The following PDE1C variants were observed in gnomAD, a reference collection of about 807,000 sequenced individuals.
PDE1C encodes phosphodiesterase 1C, also known as dual specificity calcium/calmodulin-dependent 3',5'-cyclic nucleotide phosphodiesterase 1C.
Under a neutral mutation model 93.1 loss-of-function variants are expected in PDE1C, and 62 were observed. The ratio of observed to expected loss-of-function variants is 0.67; its 90% CI spans 0.54 to 0.82. The LOEUF is 0.82. Among genes scored for constraint, PDE1C ranks in the 40% least tolerant of loss-of-function variants. The pLI is 0.00. For synonymous variants in PDE1C, 325 were observed against 310.1 expected, an observed-to-expected ratio of 1.05 and a Z score of -0.50; for missense variants, 742 against 884.6, an observed-to-expected ratio of 0.84 and a Z score of 2.04.
chr7:32,298,396 G>C (rs1812763270), intron 1 of PDE1C, among the ~76,000 whole-genome samples: 1 of 152,070 alleles, frequency 6.6e-6, no homozygotes, highest in South Asian at 2.1e-4. Context: ...CGAGCAGTTC[G>C]GGGAGGTGTG....
intron 1 of PDE1C, among the ~76,000 whole-genome samples, chr7:32,427,616 C>T (rs1785561099): frequency 6.6e-6 from 1 of 152,158 alleles, no homozygotes; most frequent in African/African-American, 2.4e-5. Flanking sequence ...ACTGTCTTGC[C>T]ACCTACTGTT....
chr7:31,975,592 T>C (rs1246469294), intron 2 of PDE1C, among the ~76,000 whole-genome samples: 5 of 151,996 alleles, frequency 3.3e-5, no homozygotes, highest in Non-Finnish European at 7.4e-5. Flanking sequence ...TATATATATA[T>C]GAAAAAGAAT....
At chr7:31,690,440 C>T in the PDE1C span, among the ~76,000 whole-genome samples, 1 of 152,162 alleles carries the variant, frequency 6.6e-6, no homozygotes, top group Non-Finnish European at 1.5e-5. Context: ...ACTGTGTGGG[C>T]ACCACAAAGA....
At chr7:32,324,416 C>G (rs1046333791) in intron 1 of PDE1C, among the ~76,000 whole-genome samples, 3 of 152,212 alleles carry the variant, frequency 2.0e-5, no homozygotes, top group African/African-American at 7.2e-5. Context: ...ACCCTAGCAA[C>G]AAGCTTTGTT....
At chr7:32,206,356 A>C (rs1805526130) in intron 2 of PDE1C, among the ~76,000 whole-genome samples, 1 of 152,148 alleles carries the variant, frequency 6.6e-6, no homozygotes, top group Non-Finnish European at 1.5e-5. Flanking sequence ...AGTCAACCAG[A>C]CACGGCCCAT....
chr7:32,266,743 T>A (rs112456816), intron 1 of PDE1C, among the ~76,000 whole-genome samples: 4 of 152,160 alleles, frequency 2.6e-5, no homozygotes, highest in African/African-American at 9.6e-5. Flanking sequence ...AACCAGGAGC[T>A]GGAGCTGGCG....
chr7:31,806,589 G>A lies in PDE1C; in HGVS notation c.1891+2442C>T, dbSNP rs149738919. ...CAGAGATAATGTACAGCTGCAATGT[G>A]TTCATTATGCCAGGATGTAATTTAC... On this transcript the variant is annotated intron_variant, in intron 16 of 17. Transcript: ENST00000396191. Among the ~76,000 whole-genome samples the A allele has an allele frequency of 7.2e-3, 1,096 of 152,032 alleles. 7 individuals carry two copies. The highest frequency in any genetic ancestry group is 0.014 in the Middle Eastern group (4 of 294).
At position 32,387,850 on chromosome 7, in the gene PDE1C, C is replaced by T. The variant is rs375323808; in HGVS notation, c.310+39972G>A. On this transcript the variant is annotated intron_variant, in intron 1 of 1. Coordinates refer to the PDE1C transcript ENST00000672256. ...CTCCAGGACGGGGCGGCTGGCCGGG[C>T]AGGGGGCTGACCCCCCTCCCCCCTC... is the stretch of plus-strand genomic sequence containing the variant. Among the ~76,000 whole-genome samples the T allele has an allele frequency of 9.1e-4, 120 of 132,184 alleles. 2 individuals are homozygous for T. The East Asian group carries it at 0.023, about 26-fold the overall frequency. The allele number at this position is 132,184 out of a possible 152,430, so 86.7% of individuals were successfully genotyped here. A position where few individuals can be genotyped will look rare whatever the true frequency, so the allele number is the denominator to read the frequency against.
chr7:32,066,879 G>C (rs1381848129), intron 1 of PDE1C, among the ~76,000 whole-genome samples: 1 of 152,248 alleles, frequency 6.6e-6, no homozygotes. Context: ...CAAAGAGTAA[G>C]AGGACAGCAT....
chr7:32,149,401 C>T lies in PDE1C; in HGVS notation c.308+20384G>A, dbSNP rs183480693. 8.5e-5 allele frequency among the ~76,000 whole-genome samples: 13 copies of T among 152,332 alleles called. No homozygotes were observed. In the East Asian group the frequency reaches 2.5e-3, roughly 29 times the overall value. On this transcript the variant is annotated intron_variant, in intron 3 of 18. Coordinates refer to the PDE1C transcript ENST00000396193. ...CCAGAACACCTCTGATCTCAGACCA[C>T]ACTGCTCATCTGGGCAATTCCACAA...
chr7:32,147,329 A>AAGG (rs1563353058), intron 3 of PDE1C, among the ~76,000 whole-genome samples: 63 of 144,092 alleles, frequency 4.4e-4, no homozygotes, highest in Admixed American at 3.3e-3. Context: ...AGAAAGAAAG[A>AAGG]AAGACGCTGT....
the PDE1C span, among the ~76,000 whole-genome samples, chr7:31,689,288 C>T: frequency 6.6e-6 from 1 of 152,196 alleles, no homozygotes; most frequent in Non-Finnish European, 1.5e-5. Context: ...TATGAAAACA[C>T]CCCCAAATGT....
At chr7:31,718,979 T>C in the PDE1C span, among the ~76,000 whole-genome samples, 6 of 152,160 alleles carry the variant, frequency 3.9e-5, no homozygotes, top group Admixed American at 3.9e-4. Flanking sequence ...AGCATGGGAC[T>C]GCCAAACTTC....
intron 3 of PDE1C, among the ~76,000 whole-genome samples, chr7:32,100,700 G>A (rs1240650688): frequency 1.3e-5 from 2 of 152,094 alleles, no homozygotes; most frequent in Non-Finnish European, 2.9e-5. Flanking sequence ...AGATGACCAC[G>A]TGTACCTATA....
intron 1 of PDE1C, among the ~76,000 whole-genome samples, chr7:32,066,311 A>G (rs1305560736): frequency 6.6e-6 from 1 of 152,146 alleles, no homozygotes; most frequent in African/African-American, 2.4e-5. Flanking sequence ...CAAAAACAAT[A>G]GTTGTTGCAG....
chr7:31,620,185 A>G, the PDE1C span, among the ~76,000 whole-genome samples: 1 of 152,148 alleles, frequency 6.6e-6, no homozygotes, highest in Non-Finnish European at 1.5e-5. Context: ...GGCAGGGCAC[A>G]GACAAACAAA....
rs180809387 is a variant in PDE1C, at chr7:32,378,818, C to T, written c.310+49004G>A. 2.6e-5 allele frequency among the ~76,000 whole-genome samples: 4 copies of T among 152,328 alleles called. No homozygotes were observed. In the East Asian group the frequency reaches 7.7e-4, roughly 29 times the overall value. On this transcript the variant is annotated intron_variant, in intron 1 of 1. Coordinates refer to the PDE1C transcript ENST00000672256. ...CCCCTTCCCCTTGAAAAACCCCTAA[C>T]CTCTGCACTTTCAGCAAGATTGATT...
chr7:32,093,472 C>G (rs540814796), intron 3 of PDE1C, among the ~76,000 whole-genome samples: 2 of 152,328 alleles, frequency 1.3e-5, no homozygotes, highest in South Asian at 4.1e-4. Context: ...AGGACTCTGG[C>G]CCAGTATCTT....
chr7:32,181,562 C>G lies in PDE1C; in HGVS notation c.137-11606G>C, dbSNP rs201336678. Among the ~76,000 whole-genome samples, 8 of 151,942 alleles carry G rather than the reference C, an allele frequency of 5.3e-5. No homozygotes were observed. The South Asian group carries it at 1.5e-3, about 28-fold the overall frequency. ...TCCTGAATGACTACTGGGTACATAA[C>G]GAAATGAAGGCAGAAATAAAGATGT... On this transcript the variant is annotated intron_variant, in intron 2 of 18. Coordinates refer to the PDE1C transcript ENST00000396193.
Sources: gnomAD v4.1 joint callset for allele counts (sites outside exome capture counted in the v4.1 genomes callset) on GRCh38, gnomAD v4.1.1 for gene constraint, MANE v1.5 for transcripts, NCBI Gene and HGNC (gene_info 2026-07-23, HGNC 2026-07-21) for gene names.